USP48: variants seen among roughly 807,000 people sequenced by gnomAD.
USP48 encodes ubiquitin specific peptidase 48.
A neutral mutation model predicts 150.7 loss-of-function variants in USP48; 43 were observed. The observed-to-expected ratio is 0.29, with a 90% CI of 0.22 to 0.37. The LOEUF is 0.37. Ranked by LOEUF, USP48 falls within the 10% of genes least tolerant of loss-of-function variation. USP48 has a pLI of 1.00. For missense variants in USP48, 813 were observed against 1,249.6 expected, an observed-to-expected ratio of 0.65 and a Z score of 5.27; for synonymous variants, 396 against 425.9, an observed-to-expected ratio of 0.93 and a Z score of 0.86.
At chr1:21,763,196 A>G (rs1426891977) in intron 1 of USP48, among the ~76,000 whole-genome samples, 1 of 152,184 alleles carries the variant, frequency 6.6e-6, no homozygotes, top group Non-Finnish European at 1.5e-5. Flanking sequence ...CAACACTGGC[A>G]TTGTTCTTTT....
Position 21,679,185 on chromosome 1 carries a change from A to AC in USP48, c.*231dup, listed in dbSNP as rs2097558731. 1.3e-4 allele frequency: 32 copies of AC among 254,062 alleles called. No individual in the cohort carries two copies. Among genetic ancestry groups the AC allele is most frequent in the Middle Eastern group, 6.4e-4 (1 of 1,556 alleles). 15.7% of individuals were successfully genotyped at this position (254,062 alleles called of 1,614,324 possible). Reference sequence around the variant, plus strand: ...CTTTACTTGCCCCCTCCCACCCACCACCCCCCTTAAATATAAAATTGGAAA... The same window carrying AC: ...CTTTACTTGCCCCCTCCCACCCACCACCCCCCCTTAAATATAAAATTGGAAA... On this transcript the variant is annotated 3_prime_UTR_variant, in exon 27 of 27. Transcript: ENST00000308271.
rs756584043 is a variant in USP48 at position 21,679,451 on chromosome 1, AAC to A, written c.3086-14_3086-13del. 2.5e-6 allele frequency: 4 copies of A among 1,613,914 alleles called. No homozygotes were observed. In the African/African-American group the frequency reaches 4.0e-5, roughly 16 times the overall value. ...AAGAAGACCAGTACCTGGGAAAAGA[AAC>A]ACACGTGGAGGGATAGTTGTGAACT... is the stretch of plus-strand genomic sequence containing the variant. On this transcript the variant is annotated splice_polypyrimidine_tract_variant and intron_variant, in intron 26 of 26. Transcript: ENST00000308271.
At chr1:21,762,591 G>GGC (rs1444018167) in intron 1 of USP48, among the ~76,000 whole-genome samples, 1 of 152,096 alleles carries the variant, frequency 6.6e-6, no homozygotes, top group Non-Finnish European at 1.5e-5. Flanking sequence ...ACACGGGCCG[G>GGC]GCGCGGTGGC....
At chr1:21,715,582 A>G in intron 14 of USP48, 125 bp from the exon 15 acceptor site, 1 of 523,284 alleles carries the variant, frequency 1.9e-6, no homozygotes, top group Non-Finnish European at 3.4e-6. Flanking sequence ...AATTAGACCC[A>G]TGTGATTCCT....
chr1:21,761,558 T>C lies in USP48; in HGVS notation c.135-3775A>G, dbSNP rs924425716. 2.0e-5 allele frequency among the ~76,000 whole-genome samples: 3 copies of C among 152,226 alleles called. No individual in the cohort carries two copies. In the East Asian group the frequency reaches 5.8e-4, roughly 29 times the overall value. ...ACATATTCCAAAAATAAGTAAATAA[T>C]TGTTTTAATGTTCAGTTTAAACATA... is the stretch of plus-strand genomic sequence containing the variant. On this transcript the variant is annotated intron_variant, in intron 1 of 26. Coordinates refer to ENST00000308271, the MANE Select transcript of USP48 (RefSeq NM_032236.8).
chr1:21,723,646 T>C (rs1028946198), intron 12 of USP48, among the ~76,000 whole-genome samples: 4 of 152,154 alleles, frequency 2.6e-5, no homozygotes, highest in African/African-American at 9.7e-5. Context: ...AAAAGGGTCC[T>C]ATTTTGTCTG....
intron 15 of USP48, among the ~76,000 whole-genome samples, chr1:21,711,434 A>G (rs1055983618): frequency 2.6e-5 from 4 of 152,192 alleles, no homozygotes; most frequent in African/African-American, 9.7e-5. Context: ...TTCTAGGACA[A>G]CAAAACCTAA....
chr1:21,706,217 C>T lies in USP48; in HGVS notation c.2212-30G>A, dbSNP rs752258994. 6 of 1,605,816 alleles carry T rather than the reference C, an allele frequency of 3.7e-6. No homozygotes were observed. In the African/African-American group the frequency reaches 5.4e-5, roughly 14 times the overall value. ...AACACAAAAATCACAAAACAGTATC[C>T]GTCAATTCACCGCCTGCTTAACACA... On this transcript the variant is annotated intron_variant, in intron 17 of 26. Coordinates refer to ENST00000308271, the MANE Select transcript of USP48 (RefSeq NM_032236.8).
chr1:21,742,966 T>C (rs1311987223), intron 8 of USP48, among the ~76,000 whole-genome samples: 1 of 152,190 alleles, frequency 6.6e-6, no homozygotes, highest in Admixed American at 6.6e-5. Context: ...ACATGGTCAG[T>C]AATGGATTAT....
intron 1 of USP48, among the ~76,000 whole-genome samples, chr1:21,769,040 G>C (rs1051061225): frequency 6.6e-6 from 1 of 152,080 alleles, no homozygotes. Context: ...TTTTCCCCAT[G>C]TATGTCTCCC....
At chr1:21,705,626 TAAAAC>T (rs1259907485) in intron 19 of USP48, 96 bp downstream of exon 19, 2 of 885,472 alleles carry the variant, frequency 2.3e-6, no homozygotes, top group African/African-American at 3.5e-5. Context: ...ACTAAATTCT[TAAAAC>T]AGACTATGTC....
chr1:21,688,181 G>C (rs557745596), intron 24 of USP48, among the ~76,000 whole-genome samples: 2 of 152,270 alleles, frequency 1.3e-5, no homozygotes, highest in South Asian at 2.1e-4. Flanking sequence ...AGGCCCTTAG[G>C]GAGGGTAGAA....
intron 16 of USP48, 76 bp from the exon 17 acceptor site, chr1:21,706,665 A>G (rs1207128475): frequency 4.3e-6 from 7 of 1,611,780 alleles, no homozygotes; most frequent in Non-Finnish European, 5.9e-6. Context: ...CCCCGTCAGA[A>G]GTACAGTGTT....
intron 1 of USP48, 116 bp from the exon 2 acceptor site, chr1:21,757,899 A>C: frequency 7.9e-7 from 1 of 1,262,908 alleles, no homozygotes. Context: ...AAACTGAGAA[A>C]GTATAAGACA....
chr1:21,751,586 A>C lies in USP48; in HGVS notation c.695T>G (p.Leu232Arg). ...VCNQCGRESK[L>R]LSKFYELELN... ...CTCCAGCTCATAAAATTTTGACAAA[A>C]GCTTAGACTCTCTGCCACACTGGTT... The change falls in exon 6 of 27, where the codon CTT (leucine) becomes CGT (arginine). Residue 232 changes from leucine (L) to arginine (R), a missense_variant. Leu to Arg is a moderately radical substitution (Grantham distance 102). Coordinates refer to ENST00000308271, the MANE Select transcript of USP48 (RefSeq NM_032236.8). The C allele has an allele frequency of 1.2e-6, 2 of 1,614,020 alleles. No individual in the cohort carries two copies. Among genetic ancestry groups the C allele is most frequent in the Non-Finnish European group, 1.7e-6 (2 of 1,179,978 alleles).
rs190839766 is a variant in USP48, at chr1:21,743,522, C to T, written c.991+3545G>A. The stretch of plus-strand genomic sequence containing the variant: ...CAGAGTAAGATTTAATTATGGGTTA[C>T]GCTGTGGCTGGCAATATCCCAGGAG... On this transcript the variant is annotated intron_variant, in intron 8 of 26. Coordinates refer to ENST00000308271, the MANE Select transcript of USP48 (RefSeq NM_032236.8). 7.4e-4 allele frequency among the ~76,000 whole-genome samples: 113 copies of T among 152,108 alleles called. 1 individual carries two copies. The highest frequency in any genetic ancestry group is 6.6e-4 in the Admixed American group (10 of 15,266).
At chr1:21,772,935 CAAGAAAGAAAGA>C (rs981530204) in intron 1 of USP48, among the ~76,000 whole-genome samples, 15 of 134,182 alleles carry the variant, frequency 1.1e-4, no homozygotes, top group Non-Finnish European at 2.4e-4. Flanking sequence ...AAAAAAAAAC[CAAGAAAGAAAGA>C]AAGAAAAAAA....
At chr1:21,691,316 CAAAAAAAAAAAAAAAA>C (rs58202473) in intron 23 of USP48, among the ~76,000 whole-genome samples, 3 of 83,602 alleles carry the variant, frequency 3.6e-5, no homozygotes, top group Admixed American at 2.9e-4. Flanking sequence ...CTCCCATCTC[CAAAAAAAAAAAAAAAA>C]AAAAAATTAA....
chr1:21,701,372 AAAAAAAAAAG>A, intron 22 of USP48, 116 bp downstream of exon 22: 1 of 692,820 alleles, frequency 1.4e-6, no homozygotes, highest in Non-Finnish European at 2.3e-6. Context: ...TCTCAAAAAA[AAAAAAAAAAG>A]AAAAAAAAAG....
Sources: allele counts gnomAD v4.1 joint callset (sites outside exome capture counted in the v4.1 genomes callset), GRCh38; gene constraint gnomAD v4.1.1; transcripts MANE v1.5; gene names NCBI Gene and HGNC (gene_info 2026-07-23, HGNC 2026-07-21).